ARPP19: variants seen among roughly 807,000 people sequenced by gnomAD.
ARPP19 encodes the protein cAMP-regulated phosphoprotein 19.
Under a neutral mutation model 12.0 loss-of-function variants are expected in ARPP19, and 8 were observed. The ratio of observed to expected loss-of-function variants is 0.67; its 90% CI spans 0.39 to 1.21. ARPP19 has a LOEUF of 1.21. Among genes scored for constraint, ARPP19 ranks in the 50% most tolerant of loss-of-function variants. The pLI is 0.01. For synonymous variants in ARPP19, 47 were observed against 50.4 expected, an observed-to-expected ratio of 0.93 and a Z score of 0.29; for missense variants, 102 against 136.3, an observed-to-expected ratio of 0.75 and a Z score of 1.25.
intron 2 of ARPP19, among the ~76,000 whole-genome samples, chr15:52,554,727 C>T (rs577797038): frequency 2.3e-3 from 356 of 152,072 alleles, no homozygotes; most frequent in African/African-American, 8.3e-3. Context: ...GACTTCACAA[C>T]CCCTACAAAT....
intron 1 of ARPP19, among the ~76,000 whole-genome samples, chr15:52,559,632 A>C (rs1595864927): frequency 6.6e-6 from 1 of 152,214 alleles, no homozygotes; most frequent in East Asian, 1.9e-4. Flanking sequence ...ACCCCATGTA[A>C]GATATGACTA....
At position 52,555,548 on chromosome 15, in the gene ARPP19, T is replaced by G. The variant is rs538566613; in HGVS notation, c.168+1552A>C. On this transcript the variant is annotated intron_variant, in intron 2 of 2. Coordinates refer to ENST00000249822, the MANE Select transcript of ARPP19 (RefSeq NM_006628.6). ...ATTTAATCATTTCTCTGCTGTTGAA[T>G]AGTGGTGCTGCTACTAATTATAGTT... 4.6e-5 allele frequency among the ~76,000 whole-genome samples: 7 copies of G among 152,172 alleles called. No individual in the cohort carries two copies. In the East Asian group the frequency reaches 1.3e-3, roughly 29 times the overall value.
chr15:52,563,893 CTT>C (rs1292631097), intron 1 of ARPP19, among the ~76,000 whole-genome samples: 3 of 152,168 alleles, frequency 2.0e-5, no homozygotes, highest in Admixed American at 6.5e-5. Context: ...TCTATTAAGT[CTT>C]TGTTTGCCTA....
chr15:52,564,319 G>A (rs1048287250), intron 1 of ARPP19: 43 of 1,131,574 alleles, frequency 3.8e-5, no homozygotes, highest in Non-Finnish European at 5.3e-5. Flanking sequence ...AGGCTGAGGT[G>A]GGAGGCTAGG....
At chr15:52,564,234 T>C in intron 1 of ARPP19, 5 of 1,534,536 alleles carry the variant, frequency 3.3e-6, no homozygotes, top group Non-Finnish European at 8.7e-7. Context: ...CAAGGGAGCA[T>C]GTTGTGTTCA....
chr15:52,552,272 G>A (rs952006792), intron 2 of ARPP19, among the ~76,000 whole-genome samples, 168 bp from the exon 3 acceptor site: 3 of 152,020 alleles, frequency 2.0e-5, no homozygotes, highest in African/African-American at 2.4e-5. Context: ...GTCAACAGCC[G>A]AGAAGCCCCC....
At chr15:52,564,309 A>G in intron 1 of ARPP19, 1 of 1,239,614 alleles carries the variant, frequency 8.1e-7, no homozygotes. Context: ...AGCTACTTGG[A>G]GGCTGAGGTG....
rs201256320 is a variant in ARPP19, at chr15:52,552,015, C to A, written c.258G>T (p.Glu86Asp). Reference protein sequence around the residue: ...QLPTAAPDKTEVTGDHIPTPQ... With the variant: ...QLPTAAPDKTDVTGDHIPTPQ... ...GAGTGGGAATGTGGTCACCAGTGAC[C>A]TCCGTCTTATCCGGAGCTGCAGTAG... is the stretch of plus-strand genomic sequence containing the variant. Residue 86 changes from glutamate (E) to aspartate (D), a missense_variant, in exon 3 of 3, where the codon GAG becomes GAT. Coordinates refer to ENST00000249822, the MANE Select transcript of ARPP19 (RefSeq NM_006628.6). 1 of 1,612,040 alleles carries A rather than the reference C, an allele frequency of 6.2e-7. No homozygotes were observed. The highest frequency in any genetic ancestry group is 1.1e-5 in the South Asian group (1 of 91,046).
At chr15:52,560,679 G>A (rs1356583786) in intron 1 of ARPP19, among the ~76,000 whole-genome samples, 2 of 152,242 alleles carry the variant, frequency 1.3e-5, no homozygotes. Flanking sequence ...TGATAAGTTA[G>A]TTCAAGTGCT....
chr15:52,558,008 A>G lies in ARPP19; in HGVS notation c.46-786T>C, dbSNP rs146729734. On this transcript the variant is annotated intron_variant, in intron 1 of 2. Transcript: ENST00000249822. ...TGTCAAACATCCTATTCTTTAATAT[A>G]TCAAAAACCTGTTTCCTGACAGAAC... 5.1e-3 allele frequency among the ~76,000 whole-genome samples: 770 copies of G among 152,354 alleles called. 5 individuals are homozygous for G. Among genetic ancestry groups the G allele is most frequent in the African/African-American group, 0.017 (727 of 41,578 alleles).
chr15:52,550,956 G>C lies in ARPP19; in HGVS notation c.*978C>G, dbSNP rs139372559. On this transcript the variant is annotated 3_prime_UTR_variant, in exon 3 of 3. Coordinates refer to ENST00000249822, the MANE Select transcript of ARPP19 (RefSeq NM_006628.6). ...AAAAGATATGCCTAAGCAACATATC[G>C]TATTTGCACAAGGCCACTGAATGTC... 1 of 152,564 alleles carries C rather than the reference G, an allele frequency of 6.6e-6. No individual in the cohort carries two copies. The highest frequency in any genetic ancestry group is 2.4e-5 in the African/African-American group (1 of 41,390). 9.5% of individuals were successfully genotyped at this position (152,564 alleles called of 1,614,324 possible).
At position 52,548,828 on chromosome 15, in the gene ARPP19, A is replaced by G. The variant is rs1053601876; in HGVS notation, c.*3106T>C. 8.5e-5 allele frequency: 13 copies of G among 152,648 alleles called. No homozygotes were observed. Among genetic ancestry groups the G allele is most frequent in the African/African-American group, 2.7e-4 (11 of 41,450 alleles). 9.5% of individuals were successfully genotyped at this position (152,648 alleles called of 1,614,324 possible). A position where few individuals can be genotyped will look rare whatever the true frequency, so the allele number is the denominator to read the frequency against. ...AAGCCTGATTTAGTAAAAAGTATCCATAAATATTCAGAGGTATAGTTTTGT... is the reference window on the plus strand; with the variant it reads ...AAGCCTGATTTAGTAAAAAGTATCCGTAAATATTCAGAGGTATAGTTTTGT... On this transcript the variant is annotated 3_prime_UTR_variant, in exon 3 of 3. Coordinates refer to ENST00000249822, the MANE Select transcript of ARPP19 (RefSeq NM_006628.6).
chr15:52,552,049 T>C lies in ARPP19; in HGVS notation c.224A>G (p.Lys75Arg). 6.2e-7 allele frequency: 1 copy of C among 1,613,782 alleles called. No individual in the cohort carries two copies. The highest frequency in any genetic ancestry group is 1.1e-5 in the South Asian group (1 of 91,078). The change falls in exon 3 of 3, where the codon AAG becomes AGG. Residue 75 changes from lysine (K) to arginine (R), a missense_variant. Lys to Arg is a conservative substitution (Grantham distance 26). Transcript: ENST00000249822. ...ATCCGGAGCTGCAGTAGGAAGTTGC[T>C]TGTTCTTCATTTTTGCTTTAGCCAT... ...YNMAKAKMKN[K>R]QLPTAAPDKT...
At chr15:52,568,673 C>T in intron 1 of ARPP19, 175 bp downstream of exon 1, 1 of 491,756 alleles carries the variant, frequency 2.0e-6, no homozygotes, top group Non-Finnish European at 3.6e-6. Context: ...GTTGGAACTC[C>T]CAATTCGTCG....
rs184668967 is a variant in ARPP19 at position 52,561,290 on chromosome 15, T to C, written c.46-4068A>G. On this transcript the variant is annotated intron_variant, in intron 1 of 2. Coordinates refer to ENST00000249822, the MANE Select transcript of ARPP19 (RefSeq NM_006628.6). ...ATTTGTTTATTTTTTCCAAAAAGAA[T>C]CACAGAAAGATTAAATCATAAACTA... 2.2e-3 allele frequency among the ~76,000 whole-genome samples: 334 copies of C among 152,244 alleles called. 7 individuals carry two copies. Among genetic ancestry groups the C allele is most frequent in the Non-Finnish European group, 3.2e-4 (22 of 68,008 alleles).
At chr15:52,555,148 C>T (rs2140233502) in intron 2 of ARPP19, among the ~76,000 whole-genome samples, 1 of 152,172 alleles carries the variant, frequency 6.6e-6, no homozygotes, top group Admixed American at 6.5e-5. Context: ...ATTCTATCTA[C>T]TTATTTCTTG....
In ARPP19 at chr15:52,556,984, C is replaced by T. The variant is rs1595863422; in HGVS notation, c.168+116G>A. On this transcript the variant is annotated intron_variant, in intron 2 of 2. Transcript: ENST00000249822. ...AAAACCCATTACAGATACATATACA[C>T]ATATGTACATACCTGATAAAGTACA... 7 of 1,092,184 alleles carry T rather than the reference C, an allele frequency of 6.4e-6. 2 individuals are homozygous for T. The Admixed American group carries it at 1.6e-4, about 25-fold the overall frequency. The allele number at this position is 1,092,184 out of a possible 1,614,324, so 67.7% of individuals were successfully genotyped here.
chr15:52,554,812 C>T (rs527693083), intron 2 of ARPP19, among the ~76,000 whole-genome samples: 1 of 152,176 alleles, frequency 6.6e-6, no homozygotes, highest in East Asian at 1.9e-4. Context: ...GATATCCCTC[C>T]CAGCTCTGAT....
Position 52,551,908 on chromosome 15 carries a change from C to T in ARPP19, c.*26G>A. 1 of 1,555,378 alleles carries T rather than the reference C, an allele frequency of 6.4e-7. No homozygotes were observed. The highest frequency in any genetic ancestry group is 8.8e-7 in the Non-Finnish European group (1 of 1,139,586). On this transcript the variant is annotated 3_prime_UTR_variant, in exon 3 of 3. Transcript: ENST00000249822. ...ATTAAGGAGAAATAATGAGATTTAGCAGATTCATGCAGTTCAGCCTCTTAA... is the reference window on the plus strand; with the variant it reads ...ATTAAGGAGAAATAATGAGATTTAGTAGATTCATGCAGTTCAGCCTCTTAA...
Sources: allele counts gnomAD v4.1 joint callset (sites outside exome capture counted in the v4.1 genomes callset), GRCh38; gene constraint gnomAD v4.1.1; transcripts MANE v1.5; gene names NCBI Gene and HGNC (gene_info 2026-07-23, HGNC 2026-07-21).